Variants in CLEC2A observed in about 807,000 individuals in gnomAD.
CLEC2A encodes the protein C-type lectin domain family 2 member A, also known as keratinocyte-associated C-type lectin.
CLEC2A carries 19 observed loss-of-function variants against 18.6 expected under a neutral mutation model. That is an observed-to-expected ratio of 1.02 (90% CI 0.71 to 1.50). The LOEUF is 1.50. CLEC2A is among the 40% of genes most tolerant of loss of function. The pLI is 0.00. For synonymous variants in CLEC2A, 74 were observed against 64.0 expected (o/e 1.16, Z -0.75); for missense variants, 190 against 207.9 (o/e 0.91, Z 0.53).
downstream of CLEC2A, among the ~76,000 whole-genome samples, chr12:9,897,793 T>C (rs1399176403): frequency 2.0e-5 from 3 of 152,158 alleles, no homozygotes; most frequent in Admixed American, 6.5e-5. Flanking sequence ...AAGCATCTGA[T>C]GTAAACACTT....
intron 4 of CLEC2A, 124 bp from the exon 5 acceptor site, chr12:9,913,804 C>A: frequency 1.7e-6 from 1 of 604,584 alleles, no homozygotes; most frequent in Non-Finnish European, 2.8e-6. Flanking sequence ...ATATACCCAC[C>A]CATCACCATA....
chr12:9,912,574 G>C (rs2137031161), downstream of CLEC2A, among the ~76,000 whole-genome samples: 1 of 151,906 alleles, frequency 6.6e-6, no homozygotes, highest in African/African-American at 2.4e-5. Context: ...TTCAGCTAAA[G>C]ATGGTGTTCT....
In CLEC2A at chr12:9,898,908, C is replaced by CT; in HGVS notation, c.478dup (p.Arg160LysfsTer5). On this transcript the variant is annotated frameshift_variant, in exon 5 of 5. Transcript: ENST00000339766. LOFTEE classifies it high-confidence loss of function. ...AGTCAGAGCTCCCTCAGAGGCCTAT[C>CT]TAAGGGGTCCCAGCAGAAGAAGCCA... The CT allele has an allele frequency of 1.4e-6, 1 of 715,660 alleles. No individual in the cohort carries two copies. Among genetic ancestry groups the CT allele is most frequent in the Non-Finnish European group, 2.6e-6 (1 of 384,880 alleles). 44.3% of individuals were successfully genotyped at this position (715,660 alleles called of 1,614,324 possible).
At chr12:9,921,277 T>C (rs550125832) in intron 3 of CLEC2A, among the ~76,000 whole-genome samples, 1 of 152,314 alleles carries the variant, frequency 6.6e-6, no homozygotes, top group East Asian at 1.9e-4. Flanking sequence ...CAAAAGTCTG[T>C]ATATAACTTT....
chr12:9,882,991 A>C, the CLEC2A span, among the ~76,000 whole-genome samples: 1 of 152,208 alleles, frequency 6.6e-6, no homozygotes, highest in African/African-American at 2.4e-5. Flanking sequence ...CAGAGACTTA[A>C]AATCTGAGTA....
downstream of CLEC2A, among the ~76,000 whole-genome samples, chr12:9,912,641 A>T (rs1045636510): frequency 1.4e-5 from 2 of 146,694 alleles, no homozygotes; most frequent in Non-Finnish European, 3.0e-5. Flanking sequence ...GGATGAGTAA[A>T]TCTGGGTTTT....
At position 9,913,427 on chromosome 12, in the gene CLEC2A, T is replaced by TTTC; in HGVS notation, c.*136_*138dup. 7.1e-7 allele frequency: 1 copy of TTTC among 1,399,070 alleles called. No individual in the cohort carries two copies. The highest frequency in any genetic ancestry group is 9.3e-7 in the Non-Finnish European group (1 of 1,074,496). The allele number at this position is 1,399,070 out of a possible 1,614,324, so 86.7% of individuals were successfully genotyped here. On this transcript the variant is annotated 3_prime_UTR_variant, in exon 5 of 5. Coordinates refer to ENST00000455827, the MANE Select transcript of CLEC2A (RefSeq NM_001130711.2). ...AACCATGGCAGGGCACAGCAAGAAG[T>TTTC]TTCCATCTATAAACTAGAAAATGGG...
the CLEC2A span, among the ~76,000 whole-genome samples, chr12:9,885,434 A>G: frequency 1.3e-5 from 2 of 151,742 alleles, no homozygotes; most frequent in Non-Finnish European, 3.0e-5. Context: ...TACTGTAGCT[A>G]TTCTATTTGA....
chr12:9,900,390 C>A (rs536915356), intron 4 of CLEC2A, among the ~76,000 whole-genome samples: 2 of 152,194 alleles, frequency 1.3e-5, no homozygotes, highest in East Asian at 3.9e-4. Flanking sequence ...GCTTTGAAAT[C>A]TAGTTCTCTC....
intron 4 of CLEC2A, among the ~76,000 whole-genome samples, chr12:9,900,358 G>T (rs989919470): frequency 6.6e-6 from 1 of 152,036 alleles, no homozygotes; most frequent in Non-Finnish European, 1.5e-5. Context: ...AGTGATCTTA[G>T]AATTTAATAA....
chr12:9,889,997 G>A, the CLEC2A span, among the ~76,000 whole-genome samples: 1 of 151,768 alleles, frequency 6.6e-6, no homozygotes, highest in Non-Finnish European at 1.5e-5. Context: ...AGAGAGAATT[G>A]TATAATAAAT....
In CLEC2A at chr12:9,913,539, G is replaced by C. The variant is rs1320510936; in HGVS notation, c.*27C>G. The C allele has an allele frequency of 6.5e-7, 1 of 1,535,030 alleles. No individual in the cohort carries two copies. Among genetic ancestry groups the C allele is most frequent in the Non-Finnish European group, 8.7e-7 (1 of 1,143,054 alleles). On this transcript the variant is annotated 3_prime_UTR_variant, in exon 5 of 5. Coordinates refer to ENST00000455827, the MANE Select transcript of CLEC2A (RefSeq NM_001130711.2). ...AGCTCTTCTTTCAATCTTGAAGTGTGATAATCATTTTCAAGTTTTTTCTGC... is the reference window on the plus strand; with the variant it reads ...AGCTCTTCTTTCAATCTTGAAGTGTCATAATCATTTTCAAGTTTTTTCTGC...
chr12:9,913,167 T>C (rs983512963), downstream of CLEC2A: 46 of 232,744 alleles, frequency 2.0e-4, no homozygotes, highest in Non-Finnish European at 3.1e-4. Flanking sequence ...CTAGTCTATA[T>C]AGTATGTTAT....
At chr12:9,908,693 C>T (rs112241204), downstream of CLEC2A, among the ~76,000 whole-genome samples, 227 of 152,332 alleles carry the variant, frequency 1.5e-3, no homozygotes, top group African/African-American at 5.3e-3. Flanking sequence ...GGGACATTCC[C>T]TCTTAAAGAG....
At chr12:9,930,742 C>T (rs1863360990) in intron 1 of CLEC2A, among the ~76,000 whole-genome samples, 1 of 151,214 alleles carries the variant, frequency 6.6e-6, no homozygotes, top group African/African-American at 2.4e-5. Context: ...TTCTTTTTTT[C>T]TCTCTCTCTG....
intron 4 of CLEC2A, among the ~76,000 whole-genome samples, chr12:9,916,485 A>G (rs1179488046): frequency 2.6e-5 from 4 of 152,188 alleles, no homozygotes; most frequent in Admixed American, 6.5e-5. Flanking sequence ...AAAATGGAAG[A>G]TTTCACCATG....
At chr12:9,908,781 C>T (rs2137025279), downstream of CLEC2A, among the ~76,000 whole-genome samples, 1 of 152,258 alleles carries the variant, frequency 6.6e-6, no homozygotes, top group South Asian at 2.1e-4. Flanking sequence ...CCCCTGTGTT[C>T]TTTATAGGGT....
chr12:9,925,053 C>G (rs1047577411), intron 2 of CLEC2A, among the ~76,000 whole-genome samples: 2 of 152,210 alleles, frequency 1.3e-5, no homozygotes. Flanking sequence ...TAGATCAAAC[C>G]TCTTTGCCTT....
At chr12:9,909,986 CT>C, downstream of CLEC2A, among the ~76,000 whole-genome samples, 1 of 152,102 alleles carries the variant, frequency 6.6e-6, no homozygotes, top group Non-Finnish European at 1.5e-5. Context: ...CTTGCTCCCT[CT>C]GATTTTTAGA....
Sources: gnomAD v4.1 joint callset for allele counts (sites outside exome capture counted in the v4.1 genomes callset) on GRCh38, gnomAD v4.1.1 for gene constraint, MANE v1.5 for transcripts, NCBI Gene and HGNC (gene_info 2026-07-23, HGNC 2026-07-21) for gene names.